ACSL5: variants seen among roughly 807,000 people sequenced by gnomAD.
The protein encoded by ACSL5 is acyl-CoA synthetase long chain family member 5.
In ACSL5, 50 loss-of-function variants were observed where a neutral mutation model predicts 84.9. The ratio of observed to expected loss-of-function variants is 0.59; its 90% CI spans 0.47 to 0.75. The LOEUF is 0.75. ACSL5 is among the 30% of genes least tolerant of loss of function. The probability of loss-of-function intolerance (pLI) is 0.00; values close to 1 mark genes in which losing one functional copy is unlikely to be tolerated. For missense variants in ACSL5, 775 were observed against 830.4 expected (o/e 0.93, Z 0.82); for synonymous variants, 280 against 300.7 (o/e 0.93, Z 0.71).
At chr10:112,382,250 C>T (rs1309478936) in intron 1 of ACSL5, among the ~76,000 whole-genome samples, 1 of 152,232 alleles carries the variant, frequency 6.6e-6, no homozygotes, top group Admixed American at 6.5e-5. Flanking sequence ...AGGAAGACTC[C>T]GCCGACCCTG....
chr10:112,402,485 C>T (rs76422381), intron 3 of ACSL5, among the ~76,000 whole-genome samples: 77 of 152,314 alleles, frequency 5.1e-4, no homozygotes, highest in African/African-American at 1.7e-3. Context: ...ACCCAAGACA[C>T]ACACCCTGGG....
intron 19 of ACSL5, 54 bp downstream of exon 19, chr10:112,426,413 G>A: frequency 1.4e-6 from 2 of 1,470,382 alleles, no homozygotes; most frequent in African/African-American, 1.4e-5. Context: ...TCGTGGAGGA[G>A]AGGATGCCTC....
chr10:112,410,727 C>T, intron 9 of ACSL5, 92 bp downstream of exon 9: 12 of 1,334,446 alleles, frequency 9.0e-6, no homozygotes, highest in Non-Finnish European at 1.3e-5. Flanking sequence ...AATACTCCCT[C>T]TAAAGAGCCC....
chr10:112,421,871 A>G, intron 15 of ACSL5, 76 bp from the exon 16 acceptor site: 7 of 1,487,114 alleles, frequency 4.7e-6, no homozygotes, highest in South Asian at 1.1e-5. Flanking sequence ...GAGTCAATTC[A>G]TAAATATCTT....
intron 3 of ACSL5, among the ~76,000 whole-genome samples, chr10:112,401,788 C>T (rs893660900): frequency 1.5e-4 from 14 of 91,102 alleles, no homozygotes; most frequent in African/African-American, 4.9e-4. Context: ...CTTTCTTTCT[C>T]TTTCTTTCTT....
chr10:112,411,471 C>G lies in ACSL5; in HGVS notation c.812C>G (p.Ala271Gly), dbSNP rs1339169649. 1.5e-5 allele frequency: 24 copies of G among 1,613,392 alleles called. No homozygotes were observed. Among genetic ancestry groups the G allele is most frequent in the Non-Finnish European group, 2.0e-5 (24 of 1,179,422 alleles). The stretch of plus-strand genomic sequence containing the variant: ...TTTCCTACAGGTGACCCCAAAGGAG[C>G]CATGATAACCCATCAAAATATTGTT... ...TSGTTGDPKG[A>G]MITHQNIVSN... The change falls in exon 10 of 21, where the codon GCC (alanine) becomes GGC (glycine). Residue 271 changes from alanine (A) to glycine (G), a missense_variant. Physicochemically the swap from Ala to Gly is moderately conservative, Grantham distance 60. Transcript: ENST00000354655.
At chr10:112,421,815 G>T in intron 15 of ACSL5, 132 bp from the exon 16 acceptor site, 1 of 1,282,384 alleles carries the variant, frequency 7.8e-7, no homozygotes, top group Non-Finnish European at 1.1e-6. Context: ...GCCTATCTTG[G>T]CTAGTCTGCA....
In ACSL5 at chr10:112,425,340, T is replaced by A; in HGVS notation, c.1596T>A (p.Asn532Lys). ...ATACTTTTATCTGTCTCATGTAGAA[T>A]GGAACTCTGAAGATCATCGACCGTA... ...HTGDIGRWLP[N>K]GTLKIIDRKK... Residue 532 changes from asparagine to lysine, a missense_variant and splice_region_variant, in exon 18 of 21, where the codon AAT becomes AAA. Physicochemically the swap from Asn to Lys is moderately conservative, Grantham distance 94 (BLOSUM62 0). Transcript: ENST00000354655. 1.2e-6 allele frequency: 2 copies of A among 1,611,532 alleles called. No homozygotes were observed. Among genetic ancestry groups the A allele is most frequent in the Non-Finnish European group, 1.7e-6 (2 of 1,178,904 alleles).
intron 1 of ACSL5, among the ~76,000 whole-genome samples, chr10:112,384,697 A>G (rs967929014): frequency 4.6e-5 from 7 of 152,042 alleles, no homozygotes; most frequent in African/African-American, 1.4e-4. Context: ...TTGTAGAGAC[A>G]GGTCCTCACC....
At chr10:112,420,215 CCTCT>C (rs1193680203) in intron 14 of ACSL5, among the ~76,000 whole-genome samples, 1 of 152,150 alleles carries the variant, frequency 6.6e-6, no homozygotes, top group Non-Finnish European at 1.5e-5. Flanking sequence ...TCTAAGCCTT[CCTCT>C]CTCTCCCAAC....
chr10:112,412,038 GT>G, intron 11 of ACSL5, 59 bp downstream of exon 11: 1 of 1,486,386 alleles, frequency 6.7e-7, no homozygotes, highest in Non-Finnish European at 9.4e-7. Context: ...GCTATCACAT[GT>G]TTATTCCAAA....
intron 1 of ACSL5, among the ~76,000 whole-genome samples, chr10:112,386,935 A>G (rs983958729): frequency 6.6e-6 from 1 of 152,220 alleles, no homozygotes; most frequent in African/African-American, 2.4e-5. Context: ...TAATTATAAA[A>G]CTGAAACATA....
At chr10:112,385,637 C>A (rs1006510181) in intron 1 of ACSL5, among the ~76,000 whole-genome samples, 1 of 152,218 alleles carries the variant, frequency 6.6e-6, no homozygotes, top group East Asian at 1.9e-4. Flanking sequence ...TGTGAACTTT[C>A]AGCAAGCTCT....
Position 112,376,244 on chromosome 10 carries a change from G to A in ACSL5, c.-30+1975G>A, listed in dbSNP as rs1208669797. On this transcript the variant is annotated intron_variant, in intron 1 of 20. Transcript: ENST00000354655. Reference sequence around the variant, plus strand: ...CCGAGCACGTTAGAAAGCCTGACATGGCCTGACTCGGGACAGCTCAGAGCA... The same window carrying A: ...CCGAGCACGTTAGAAAGCCTGACATAGCCTGACTCGGGACAGCTCAGAGCA... 3.8e-6 allele frequency: 6 copies of A among 1,589,792 alleles called. No individual in the cohort carries two copies. The East Asian group carries it at 1.1e-4, about 30-fold the overall frequency.
chr10:112,384,759 T>C (rs1476322022), intron 1 of ACSL5, among the ~76,000 whole-genome samples: 1 of 152,184 alleles, frequency 6.6e-6, no homozygotes, highest in Non-Finnish European at 1.5e-5. Flanking sequence ...TCAAGCAATA[T>C]ATCCACCTCA....
chr10:112,421,278 C>T (rs971334769), intron 14 of ACSL5, among the ~76,000 whole-genome samples: 3 of 152,142 alleles, frequency 2.0e-5, no homozygotes, highest in African/African-American at 7.2e-5. Flanking sequence ...CCCACCTCAG[C>T]CTCTCAAGTA....
At chr10:112,388,875 A>C (rs777614548) in intron 1 of ACSL5, among the ~76,000 whole-genome samples, 1 of 152,196 alleles carries the variant, frequency 6.6e-6, no homozygotes, top group African/African-American at 2.4e-5. Context: ...GATCTGGGGA[A>C]ATGTTCCAGG....
chr10:112,397,957 CAT>C (rs903610593), intron 2 of ACSL5, among the ~76,000 whole-genome samples: 5 of 151,932 alleles, frequency 3.3e-5, no homozygotes, highest in African/African-American at 1.2e-4. Context: ...ATCTCTCCTC[CAT>C]ATATATACAC....
chr10:112,420,711 C>CT (rs536651101), intron 14 of ACSL5, among the ~76,000 whole-genome samples: 2 of 151,548 alleles, frequency 1.3e-5, no homozygotes, highest in Admixed American at 1.3e-4. Context: ...ATTTTCTTTT[C>CT]TTTTTTTTCT....
Sources: gnomAD v4.1 joint callset for allele counts (sites outside exome capture counted in the v4.1 genomes callset) on GRCh38, gnomAD v4.1.1 for gene constraint, MANE v1.5 for transcripts, NCBI Gene and HGNC (gene_info 2026-07-23, HGNC 2026-07-21) for gene names.